Variants in ZNF609 observed in about 807,000 individuals in gnomAD.
The protein encoded by ZNF609 is zinc finger protein 609.
Under a neutral mutation model 109.5 loss-of-function variants are expected in ZNF609, and 11 were observed. The ratio of observed to expected loss-of-function variants is 0.10; its 90% CI spans 0.06 to 0.17. The LOEUF is 0.17. Ranked by LOEUF, ZNF609 falls within the 10% of genes least tolerant of loss-of-function variation. ZNF609 has a pLI of 1.00. For missense variants in ZNF609, 1,559 were observed against 1,772.4 expected (o/e 0.88, Z 2.16); for synonymous variants, 646 against 662.0 (o/e 0.98, Z 0.37).
At position 64,675,697 on chromosome 15, in the gene ZNF609, A is replaced by G; in HGVS notation, c.2843A>G (p.Lys948Arg). The G allele has an allele frequency of 6.2e-7, 1 of 1,612,774 alleles. No individual in the cohort carries two copies. The highest frequency in any genetic ancestry group is 8.5e-7 in the Non-Finnish European group (1 of 1,178,868). The change falls in exon 5 of 10, where the codon AAG (lysine) becomes AGG (arginine). Residue 948 changes from lysine to arginine, a missense_variant. Lys to Arg is a conservative substitution (Grantham distance 26). Coordinates refer to ENST00000326648, the MANE Select transcript of ZNF609 (RefSeq NM_015042.2). ...KVKNDICEEK[K>R]PELSSSSQQP... ...AAGAACGATATCTGTGAAGAAAAGA[A>G]GCCCGAGCTGAGCAGTTCCAGTCAG...
chr15:64,556,809 T>A (rs1169070768), intron 2 of ZNF609, among the ~76,000 whole-genome samples: 1 of 152,220 alleles, frequency 6.6e-6, no homozygotes, highest in East Asian at 1.9e-4. Flanking sequence ...TTTTTATAGT[T>A]ACTAGATTTA....
intron 2 of ZNF609, among the ~76,000 whole-genome samples, chr15:64,594,270 TG>T (rs1189094235): frequency 9.2e-5 from 14 of 152,200 alleles, no homozygotes; most frequent in Admixed American, 8.5e-4. Context: ...TGTTTTGTTT[TG>T]TTTTTTTTGT....
chr15:64,555,406 T>C lies in ZNF609; in HGVS notation c.747+55240T>C, dbSNP rs184169842. Among the ~76,000 whole-genome samples the C allele has an allele frequency of 1.6e-3, 246 of 152,222 alleles. 2 individuals are homozygous for C. The highest frequency in any genetic ancestry group is 5.5e-3 in the African/African-American group (230 of 41,548). ...TGGGCTGGGTGCAGTGGCGCACGCC[T>C]GTAATCCCAGCACTTTGGAGGCCAA... On this transcript the variant is annotated intron_variant, in intron 2 of 9. Coordinates refer to ENST00000326648, the MANE Select transcript of ZNF609 (RefSeq NM_015042.2).
intron 2 of ZNF609, chr15:64,593,431 A>T: frequency 1.5e-6 from 1 of 677,418 alleles, no homozygotes. Context: ...AGTTATAGCT[A>T]ATTGACACAA....
intron 2 of ZNF609, among the ~76,000 whole-genome samples, chr15:64,547,795 G>A (rs1190688043): frequency 6.6e-6 from 1 of 152,070 alleles, no homozygotes; most frequent in African/African-American, 2.4e-5. Context: ...CATTCTAGTG[G>A]GGGGAATACA....
chr15:64,534,160 C>A (rs1446124651), intron 2 of ZNF609, among the ~76,000 whole-genome samples: 1 of 151,504 alleles, frequency 6.6e-6, no homozygotes, highest in Non-Finnish European at 1.5e-5. Flanking sequence ...TACAGGCATG[C>A]ACTGCCACAC....
chr15:64,514,098 A>C (rs1270436736), intron 2 of ZNF609, among the ~76,000 whole-genome samples: 2 of 151,934 alleles, frequency 1.3e-5, no homozygotes, highest in African/African-American at 2.4e-5. Context: ...AAAAAAAAAA[A>C]AAAAAACCAC....
intron 2 of ZNF609, among the ~76,000 whole-genome samples, chr15:64,608,171 A>G (rs1010035522): frequency 1.1e-4 from 16 of 152,144 alleles, no homozygotes; most frequent in Non-Finnish European, 2.1e-4. Context: ...TGCTAGGATT[A>G]CAAGCCTGAG....
At chr15:64,667,138 C>G (rs1896660066) in intron 3 of ZNF609, among the ~76,000 whole-genome samples, 1 of 151,728 alleles carries the variant, frequency 6.6e-6, no homozygotes, top group East Asian at 2.0e-4. Flanking sequence ...CTCAAAAAAA[C>G]AAAACAAACA....
At chr15:64,603,733 G>A (rs1157858879) in intron 2 of ZNF609, among the ~76,000 whole-genome samples, 1 of 151,512 alleles carries the variant, frequency 6.6e-6, no homozygotes, top group Non-Finnish European at 1.5e-5. Flanking sequence ...GAGCGTGGTG[G>A]CTCACGCCTG....
intron 2 of ZNF609, chr15:64,529,401 G>A (rs1296168780): frequency 7.9e-6 from 6 of 754,928 alleles, no homozygotes; most frequent in Middle Eastern, 3.4e-4. Context: ...CTCAGCGCCA[G>A]CATCACCCCA....
chr15:64,542,113 C>T (rs1894275744), intron 2 of ZNF609, among the ~76,000 whole-genome samples: 1 of 152,030 alleles, frequency 6.6e-6, no homozygotes, highest in Admixed American at 6.6e-5. Flanking sequence ...GGGAGACCCC[C>T]ATCTCTCTCA....
At chr15:64,496,283 G>A (rs779015628) in intron 1 of ZNF609, among the ~76,000 whole-genome samples, 3 of 152,080 alleles carry the variant, frequency 2.0e-5, no homozygotes, top group Non-Finnish European at 2.9e-5. Context: ...TCTCTCTTCC[G>A]TTACCATTCT....
Position 64,583,273 on chromosome 15 carries a change from G to A in ZNF609, c.748-39554G>A, listed in dbSNP as rs539256717. ...CAGGAGAATGGCGTGAACCCAGGAGGCAGAGCTTGCAGTGAGCCAAGATTG... is the reference window on the plus strand; with the variant it reads ...CAGGAGAATGGCGTGAACCCAGGAGACAGAGCTTGCAGTGAGCCAAGATTG... On this transcript the variant is annotated intron_variant, in intron 2 of 9. Transcript: ENST00000326648. Among the ~76,000 whole-genome samples the A allele has an allele frequency of 2.6e-5, 4 of 151,748 alleles. No individual in the cohort carries two copies. The South Asian group carries it at 8.4e-4, about 32-fold the overall frequency.
chr15:64,630,037 T>C (rs1273564597), intron 3 of ZNF609, among the ~76,000 whole-genome samples: 1 of 152,012 alleles, frequency 6.6e-6, no homozygotes, highest in East Asian at 1.9e-4. Flanking sequence ...AATTTCCTTC[T>C]CTTTCCTTCT....
At chr15:64,663,800 ATC>A (rs977292107) in intron 3 of ZNF609, among the ~76,000 whole-genome samples, 1 of 152,128 alleles carries the variant, frequency 6.6e-6, no homozygotes, top group Non-Finnish European at 1.5e-5. Context: ...CTAGAAAAAA[ATC>A]TCTCTCTCTC....
In ZNF609 at chr15:64,674,113, GCCC is replaced by G. The variant is rs773353072; in HGVS notation, c.1260_1262del (p.Pro422del). 33 of 1,614,150 alleles carry G rather than the reference GCCC, an allele frequency of 2.0e-5. No homozygotes were observed. Among genetic ancestry groups the G allele is most frequent in the Non-Finnish European group, 2.8e-5 (33 of 1,180,032 alleles). ...GGCAGCCAGAATTCTTCAGAGCACC[GCCC>G]ACCTGCCAGCAGCACTTCTGAGGAT... On this transcript the variant is annotated inframe_deletion, in exon 5 of 10. Coordinates refer to ENST00000326648, the MANE Select transcript of ZNF609 (RefSeq NM_015042.2).
intron 3 of ZNF609, among the ~76,000 whole-genome samples, chr15:64,664,926 C>G (rs1227293805): frequency 6.6e-6 from 1 of 152,196 alleles, no homozygotes; most frequent in African/African-American, 2.4e-5. Context: ...TGTGCCTGCT[C>G]TCTGTGTACA....
chr15:64,567,251 C>T (rs1464404912), intron 2 of ZNF609, among the ~76,000 whole-genome samples: 6 of 151,882 alleles, frequency 4.0e-5, no homozygotes, highest in African/African-American at 1.2e-4. Flanking sequence ...TTTGGGAGGC[C>T]GAGGCGTGTG....
Sources: gnomAD v4.1 joint callset for allele counts (sites outside exome capture counted in the v4.1 genomes callset) on GRCh38, gnomAD v4.1.1 for gene constraint, MANE v1.5 for transcripts, NCBI Gene and HGNC (gene_info 2026-07-23, HGNC 2026-07-21) for gene names.